FBXL4: variants seen among roughly 807,000 people sequenced by gnomAD.
FBXL4 encodes the protein F-box and leucine rich repeat protein 4, also known as F-box/LRR-repeat protein 4.
Under a neutral mutation model 58.9 loss-of-function variants are expected in FBXL4, and 40 were observed. The ratio of observed to expected loss-of-function variants is 0.68; its 90% CI spans 0.53 to 0.88. The LOEUF (loss-of-function observed/expected upper bound fraction) is 0.88, where lower values mean the gene tolerates loss of function less well. Among genes scored for constraint, FBXL4 ranks in the 40% least tolerant of loss-of-function variants. The probability of loss-of-function intolerance (pLI) is 0.00; values close to 1 mark genes in which losing one functional copy is unlikely to be tolerated. For synonymous variants in FBXL4, 263 were observed against 265.5 expected (o/e 0.99, Z 0.09); for missense variants, 676 against 734.4 (o/e 0.92, Z 0.92).
chr6:98,893,101 T>C (rs969455052), intron 7 of FBXL4, among the ~76,000 whole-genome samples: 7 of 152,108 alleles, frequency 4.6e-5, no homozygotes, highest in African/African-American at 1.2e-4. Flanking sequence ...ATTTTTTTTT[T>C]CCCCAAACAG....
In FBXL4 at chr6:98,926,460, T is replaced by TA; in HGVS notation, c.512+16dup. The TA allele has an allele frequency of 1.3e-6, 2 of 1,575,528 alleles. No individual in the cohort carries two copies. Among genetic ancestry groups the TA allele is most frequent in the Non-Finnish European group, 1.7e-6 (2 of 1,160,628 alleles). The stretch of plus-strand genomic sequence containing the variant: ...CTTTCTACCATATAACTTAGGTCAT[T>TA]AAAAAATTAGTCTTACCTTACTTCA... On this transcript the variant is annotated intron_variant, in intron 4 of 9. Coordinates refer to ENST00000369244, the MANE Select transcript of FBXL4 (RefSeq NM_001278716.2).
At chr6:98,935,742 T>C (rs1175307694) in intron 1 of FBXL4, among the ~76,000 whole-genome samples, 2 of 143,220 alleles carry the variant, frequency 1.4e-5, no homozygotes, top group Non-Finnish European at 3.0e-5. Flanking sequence ...TGAGCCGAGA[T>C]TGCGCCACTG....
intron 4 of FBXL4, among the ~76,000 whole-genome samples, chr6:98,920,482 A>G (rs1025994931): frequency 2.6e-5 from 4 of 152,114 alleles, no homozygotes; most frequent in African/African-American, 9.7e-5. Flanking sequence ...AAAAATTTCC[A>G]AGTAAATCAT....
rs760108335 is a variant in FBXL4, at chr6:98,880,586, C to T, written c.1356G>A (p.Glu452=). The T allele has an allele frequency of 7.4e-6, 12 of 1,613,958 alleles. No homozygotes were observed. The highest frequency in any genetic ancestry group is 1.0e-5 in the Non-Finnish European group (12 of 1,179,898). The change falls in exon 8 of 10, where the codon GAG becomes GAA. Residue 452 remains glutamate, a synonymous_variant. Transcript: ENST00000369244. ...AACTGCCTAAACTGAGGTGCTGAAG[C>T]TCTGAACAGAAGTTCAAAATGCTGA... The part of the protein sequence containing the change: ...ALLSILNFCS[E]LQHLSLGSCV...
chr6:98,904,513 T>C (rs1771725158), intron 6 of FBXL4, among the ~76,000 whole-genome samples: 2 of 152,176 alleles, frequency 1.3e-5, no homozygotes, highest in Non-Finnish European at 1.5e-5. Flanking sequence ...ATTTTTATAA[T>C]CTAAGTTGAG....
chr6:98,905,469 A>T lies in FBXL4; in HGVS notation c.1060T>A (p.Trp354Arg). 6.2e-7 allele frequency: 1 copy of T among 1,614,088 alleles called. No homozygotes were observed. The highest frequency in any genetic ancestry group is 1.1e-5 in the South Asian group (1 of 91,082). The change falls in exon 6 of 10, where the codon TGG becomes AGG. Residue 354 changes from tryptophan (W) to arginine (R), a missense_variant. Coordinates refer to ENST00000369244, the MANE Select transcript of FBXL4 (RefSeq NM_001278716.2). Reference protein sequence around the residue: ...CTLVQWLNLSWTGNRGFISVA... With the variant: ...CTLVQWLNLSRTGNRGFISVA... ...GAGATGAAGCCTCTATTGCCAGTCC[A>T]AGATAAATTAAGCCACTGGACAAGA...
At chr6:98,947,472 G>C (rs1426405529) in intron 1 of FBXL4, among the ~76,000 whole-genome samples, 1 of 152,260 alleles carries the variant, frequency 6.6e-6, no homozygotes, top group Non-Finnish European at 1.5e-5. Context: ...ACTGAGCGCG[G>C]GTGTGGGGCG....
chr6:98,941,527 T>C (rs1773431750), intron 1 of FBXL4, among the ~76,000 whole-genome samples: 1 of 152,142 alleles, frequency 6.6e-6, no homozygotes, highest in East Asian at 1.9e-4. Flanking sequence ...AATCCGATAC[T>C]CTAGTATTGA....
intron 1 of FBXL4, among the ~76,000 whole-genome samples, chr6:98,935,867 G>C (rs901847434): frequency 6.6e-6 from 1 of 150,956 alleles, no homozygotes; most frequent in African/African-American, 2.4e-5. Flanking sequence ...ATCTTTAGCA[G>C]ATATGCAATG....
intron 7 of FBXL4, chr6:98,898,494 A>G: frequency 2.1e-6 from 2 of 939,542 alleles, no homozygotes; most frequent in Non-Finnish European, 2.5e-6. Flanking sequence ...AATCCCAGAT[A>G]CTCAGGAGGC....
rs544505932 is a variant in FBXL4, at chr6:98,905,704, G to A, written c.859-34C>T. The A allele has an allele frequency of 2.9e-5, 46 of 1,600,724 alleles. No homozygotes were observed. In the Admixed American group the frequency reaches 6.4e-4, roughly 22 times the overall value. ...GACAGAGAAACCAAGATCATCAAGA[G>A]TGAAAAGCAGTATCATTCTATGAAA... On this transcript the variant is annotated intron_variant, in intron 5 of 9. Coordinates refer to ENST00000369244, the MANE Select transcript of FBXL4 (RefSeq NM_001278716.2).
At chr6:98,938,475 G>C (rs150825025) in intron 1 of FBXL4, among the ~76,000 whole-genome samples, 1 of 152,238 alleles carries the variant, frequency 6.6e-6, no homozygotes, top group Non-Finnish European at 1.5e-5. Flanking sequence ...CTTATAGCAA[G>C]GTATTAATAC....
Position 98,926,736 on chromosome 6 carries a change from A to ATACATTTGG in FBXL4, c.244_252dup (p.Pro82_Val84dup). The ATACATTTGG allele has an allele frequency of 6.2e-7, 1 of 1,614,244 alleles. No individual in the cohort carries two copies. Among genetic ancestry groups the ATACATTTGG allele is most frequent in the Non-Finnish European group, 8.5e-7 (1 of 1,180,044 alleles). On this transcript the variant is annotated inframe_insertion, in exon 4 of 10. Coordinates refer to ENST00000369244, the MANE Select transcript of FBXL4 (RefSeq NM_001278716.2). Reference sequence around the variant, plus strand: ...TGAGTAAAGTCACCAGAACTTGGGAATACATTTGGTACACCAGCCAAATTC... The same window carrying ATACATTTGG: ...TGAGTAAAGTCACCAGAACTTGGGAATACATTTGGTACATTTGGTACACCAGCCAAATTC...
intron 5 of FBXL4, among the ~76,000 whole-genome samples, chr6:98,906,356 G>A (rs1771812147): frequency 6.7e-6 from 1 of 149,970 alleles, no homozygotes; most frequent in African/African-American, 2.5e-5. Flanking sequence ...GCCCCAGTGT[G>A]TTCCCCTGCC....
intron 7 of FBXL4, among the ~76,000 whole-genome samples, chr6:98,891,083 C>T (rs1000979156): frequency 2.0e-5 from 3 of 152,110 alleles, no homozygotes; most frequent in Admixed American, 1.3e-4. Flanking sequence ...TTCTTTTATA[C>T]AGTTCAAATA....
chr6:98,928,622 G>A (rs759909096), intron 2 of FBXL4, among the ~76,000 whole-genome samples: 6 of 152,090 alleles, frequency 3.9e-5, no homozygotes, highest in Non-Finnish European at 8.8e-5. Context: ...AAGCCACCAC[G>A]CCCTGCCCCA....
chr6:98,943,579 CAAAA>C (rs59697294), intron 1 of FBXL4, among the ~76,000 whole-genome samples: 6 of 76,692 alleles, frequency 7.8e-5, no homozygotes, highest in South Asian at 5.5e-4. Context: ...GACTCTGTCT[CAAAA>C]AAAAAAAAAA....
At position 98,905,409 on chromosome 6, in the gene FBXL4, C is replaced by G; in HGVS notation, c.1103+17G>C. On this transcript the variant is annotated intron_variant, in intron 6 of 9. Transcript: ENST00000369244. Reference sequence around the variant, plus strand: ...CTGCTGGGGGGGAAAAAAACTTCATCAAGGCTTTGTACTAACCTGCTAAAT... The same window carrying G: ...CTGCTGGGGGGGAAAAAAACTTCATGAAGGCTTTGTACTAACCTGCTAAAT... 1.2e-6 allele frequency: 2 copies of G among 1,608,552 alleles called. No individual in the cohort carries two copies. The highest frequency in any genetic ancestry group is 1.7e-6 in the Non-Finnish European group (2 of 1,175,426).
chr6:98,915,235 C>G (rs1157742013), intron 5 of FBXL4, among the ~76,000 whole-genome samples: 7 of 151,808 alleles, frequency 4.6e-5, no homozygotes, highest in African/African-American at 1.7e-4. Flanking sequence ...GTGAAAATGG[C>G]CATACTGCCC....
Sources: allele counts gnomAD v4.1 joint callset (sites outside exome capture counted in the v4.1 genomes callset), GRCh38; gene constraint gnomAD v4.1.1; transcripts MANE v1.5; gene names NCBI Gene and HGNC (gene_info 2026-07-23, HGNC 2026-07-21).